The following COL24A1 variants were observed in gnomAD, a reference collection of about 807,000 sequenced individuals.
The protein encoded by COL24A1 is collagen alpha-1(XXIV) chain.
A neutral mutation model predicts 253.9 loss-of-function variants in COL24A1; 224 were observed. That is an observed-to-expected ratio of 0.88 (90% confidence interval 0.79 to 0.99). The LOEUF (loss-of-function observed/expected upper bound fraction) is 0.99, where lower values mean the gene tolerates loss of function less well. Among genes scored for constraint, COL24A1 ranks in the 50% least tolerant of loss-of-function variants. COL24A1 has a pLI of 0.00. For synonymous variants in COL24A1, 685 were observed against 673.7 expected (o/e 1.02, Z -0.26); for missense variants, 2,131 against 2,068.5 (o/e 1.03, Z -0.59).
At chr1:85,919,230 T>C (rs74097612) in intron 24 of COL24A1, among the ~76,000 whole-genome samples, 4,880 of 151,972 alleles carry the variant, frequency 0.032, 264 homozygotes, top group African/African-American at 0.11. Context: ...ATTCAGGCTG[T>C]TTCTTTCTGC....
chr1:86,061,823 A>G lies in COL24A1; in HGVS notation c.1752+1892T>C, dbSNP rs148267629. Among the ~76,000 whole-genome samples the G allele has an allele frequency of 7.2e-5, 11 of 152,138 alleles. No homozygotes were observed. The East Asian group carries it at 1.7e-3, about 24-fold the overall frequency. ...TGGCTCACTCAGATCTGCAGATTGG[A>G]TGGAGTAATAGAGATACAGTTATAT... On this transcript the variant is annotated intron_variant, in intron 8 of 59. Coordinates refer to ENST00000370571, the MANE Select transcript of COL24A1 (RefSeq NM_152890.7).
intron 35 of COL24A1, among the ~76,000 whole-genome samples, chr1:85,873,132 G>A (rs911520700): frequency 6.6e-6 from 1 of 152,194 alleles, no homozygotes; most frequent in Non-Finnish European, 1.5e-5. Flanking sequence ...AAACCACAAT[G>A]AGATACCATC....
At chr1:85,882,172 G>GTCTA (rs1423264516) in intron 32 of COL24A1, among the ~76,000 whole-genome samples, 1 of 152,114 alleles carries the variant, frequency 6.6e-6, no homozygotes, top group Non-Finnish European at 1.5e-5. Flanking sequence ...ATTGTATGAT[G>GTCTA]TCTAGTCTTT....
intron 47 of COL24A1, among the ~76,000 whole-genome samples, chr1:85,794,599 CAAGTA>C (rs1670629214): frequency 6.6e-6 from 1 of 152,082 alleles, no homozygotes; most frequent in Non-Finnish European, 1.5e-5. Flanking sequence ...ATGTTTCATA[CAAGTA>C]AAGAACAAAC....
chr1:86,031,578 CTT>C (rs1318902656), intron 14 of COL24A1, among the ~76,000 whole-genome samples: 1 of 152,012 alleles, frequency 6.6e-6, no homozygotes, highest in Admixed American at 6.6e-5. Flanking sequence ...TCTTCTATGT[CTT>C]ATGCTTTTGA....
intron 13 of COL24A1, 143 bp from the exon 14 acceptor site, chr1:86,032,065 T>A: frequency 1.7e-6 from 1 of 596,678 alleles, no homozygotes; most frequent in South Asian, 2.6e-5. Flanking sequence ...ACTCCCCTAA[T>A]CTATGCATCC....
chr1:85,745,019 T>C (rs1440308171), intron 56 of COL24A1, among the ~76,000 whole-genome samples, 185 bp from the exon 57 acceptor site: 1 of 151,996 alleles, frequency 6.6e-6, no homozygotes, highest in Admixed American at 6.6e-5. Flanking sequence ...AGAGGTTAAA[T>C]TCACATTTGC....
Position 86,033,883 on chromosome 1 carries a change from A to G in COL24A1, c.1991T>C (p.Leu664Pro). Residue 664 changes from leucine (L) to proline (P), a missense_variant, in exon 13 of 60, where the codon CTT becomes CCT. Transcript: ENST00000370571. Reference sequence around the variant, plus strand: ...TAATGTACTCACAGGACTGCCATCAAGACCAGCAGGGCCTCTGTCTCCAAA... The same window carrying G: ...TAATGTACTCACAGGACTGCCATCAGGACCAGCAGGGCCTCTGTCTCCAAA... ...GDFGDRGPAG[L>P]DGSPGLVGGT... The G allele has an allele frequency of 1.2e-6, 2 of 1,602,378 alleles. No individual in the cohort carries two copies.
chr1:86,067,343 T>A (rs944799876), intron 7 of COL24A1, among the ~76,000 whole-genome samples: 1 of 152,138 alleles, frequency 6.6e-6, no homozygotes, highest in African/African-American at 2.4e-5. Flanking sequence ...AAGATAATTA[T>A]AAGTTAGCCT....
chr1:85,875,810 T>C (rs1337582647), intron 33 of COL24A1, among the ~76,000 whole-genome samples: 2 of 151,326 alleles, frequency 1.3e-5, no homozygotes, highest in East Asian at 3.9e-4. Context: ...TCCATTTTTG[T>C]TGGGAAGCTT....
At chr1:85,878,259 T>C (rs1326546937) in intron 32 of COL24A1, among the ~76,000 whole-genome samples, 2 of 152,184 alleles carry the variant, frequency 1.3e-5, no homozygotes, top group Non-Finnish European at 2.9e-5. Flanking sequence ...GCAGATTCAG[T>C]GTCTGGTGAA....
At chr1:86,064,509 A>T (rs528350898) in intron 7 of COL24A1, among the ~76,000 whole-genome samples, 8 of 152,320 alleles carry the variant, frequency 5.3e-5, no homozygotes, top group Admixed American at 4.6e-4. Context: ...ACAGTTCTAC[A>T]TAAAAATCAG....
intron 37 of COL24A1, among the ~76,000 whole-genome samples, chr1:85,866,928 C>A (rs1304343549): frequency 6.6e-6 from 1 of 152,086 alleles, no homozygotes; most frequent in Non-Finnish European, 1.5e-5. Flanking sequence ...AAAAAAGTTG[C>A]CATTTGCCAG....
rs186270398 is a variant in COL24A1 at position 86,012,995 on chromosome 1, C to T, written c.2310+4156G>A. 3.2e-3 allele frequency among the ~76,000 whole-genome samples: 488 copies of T among 152,190 alleles called. 2 individuals carry two copies. The highest frequency in any genetic ancestry group is 6.2e-3 in the Admixed American group (95 of 15,272). ...GGCAGCTAATACATACTGAACATTTCCTATTAACTACATGCTGAAGTGTTT... is the reference window on the plus strand; with the variant it reads ...GGCAGCTAATACATACTGAACATTTTCTATTAACTACATGCTGAAGTGTTT... On this transcript the variant is annotated intron_variant, in intron 19 of 59. Coordinates refer to ENST00000370571, the MANE Select transcript of COL24A1 (RefSeq NM_152890.7).
intron 5 of COL24A1, among the ~76,000 whole-genome samples, chr1:86,096,750 G>C (rs574942680): frequency 6.6e-6 from 1 of 152,248 alleles, no homozygotes; most frequent in African/African-American, 2.4e-5. Context: ...GTGACTAAGA[G>C]AAAAAATTCA....
chr1:85,908,652 C>A lies in COL24A1; in HGVS notation c.2671-1G>T. ...GAACCCCAGGAGGACCTGGATATCC[C>A]TATAATTTAAGGAAAATATAAAAGA... On this transcript the variant is annotated splice_acceptor_variant, in intron 26 of 59. Transcript: ENST00000370571. LOFTEE classifies it high-confidence loss of function. The A allele has an allele frequency of 7.2e-7, 1 of 1,382,982 alleles. No homozygotes were observed. The highest frequency in any genetic ancestry group is 9.6e-7 in the Non-Finnish European group (1 of 1,036,828). The allele number at this position is 1,382,982 out of a possible 1,614,324, so 85.7% of individuals were successfully genotyped here. A position where few individuals can be genotyped will look rare whatever the true frequency, so the allele number is the denominator to read the frequency against.
At chr1:85,841,127 G>T (rs1676566516) in intron 42 of COL24A1, 95 bp downstream of exon 42, 9 of 894,390 alleles carry the variant, frequency 1.0e-5, no homozygotes, top group Admixed American at 3.0e-5. Context: ...ACTAACAAAA[G>T]AAAACTCCTT....
intron 45 of COL24A1, among the ~76,000 whole-genome samples, chr1:85,821,651 C>A (rs983745427): frequency 1.4e-4 from 21 of 152,158 alleles, no homozygotes; most frequent in African/African-American, 5.1e-4. Context: ...TTAATGTGCC[C>A]TTGGGTTGTA....
At chr1:85,802,705 C>T (rs983790054) in intron 47 of COL24A1, among the ~76,000 whole-genome samples, 4 of 152,122 alleles carry the variant, frequency 2.6e-5, no homozygotes, top group African/African-American at 9.7e-5. Flanking sequence ...AGAAGTTTTT[C>T]CTATTCCTTT....
Sources: gnomAD v4.1 joint callset for allele counts (sites outside exome capture counted in the v4.1 genomes callset) on GRCh38, gnomAD v4.1.1 for gene constraint, MANE v1.5 for transcripts, NCBI Gene and HGNC (gene_info 2026-07-23, HGNC 2026-07-21) for gene names.